The following DOCK9 variants were observed in gnomAD, a reference collection of about 807,000 sequenced individuals.
DOCK9 encodes dedicator of cytokinesis 9, also known as dedicator of cytokinesis protein 9.
In DOCK9, 89 loss-of-function variants were observed where a neutral mutation model predicts 263.3. The ratio of observed to expected loss-of-function variants is 0.34; its 90% CI spans 0.28 to 0.40. The LOEUF (loss-of-function observed/expected upper bound fraction) is 0.40, where lower values mean the gene tolerates loss of function less well. Ranked by LOEUF, DOCK9 falls within the 10% of genes least tolerant of loss-of-function variation. DOCK9 has a pLI of 1.00. For synonymous variants in DOCK9, 976 were observed against 973.1 expected (o/e 1.00, Z -0.06); for missense variants, 2,140 against 2,603.4 (o/e 0.82, Z 3.87).
At chr13:98,821,081 A>G (rs549775734) in intron 45 of DOCK9, among the ~76,000 whole-genome samples, 1 of 152,378 alleles carries the variant, frequency 6.6e-6, no homozygotes, top group South Asian at 2.1e-4. Context: ...AAGAAATTTC[A>G]GCAGATAGGT....
At chr13:99,013,996 G>C (rs1246133560) in intron 1 of DOCK9, among the ~76,000 whole-genome samples, 4 of 152,250 alleles carry the variant, frequency 2.6e-5, no homozygotes, top group Non-Finnish European at 4.4e-5. Flanking sequence ...GTGCAGGCAA[G>C]AGTGGTGGGC....
At position 98,796,729 on chromosome 13, in the gene DOCK9, C is replaced by T. The variant is rs115320299; in HGVS notation, c.6156+386G>A. 9.2e-3 allele frequency among the ~76,000 whole-genome samples: 1,407 copies of T among 152,288 alleles called. 14 individuals carry two copies. Among genetic ancestry groups the T allele is most frequent in the African/African-American group, 0.031 (1,308 of 41,552 alleles). On this transcript the variant is annotated intron_variant, in intron 52 of 52. Coordinates refer to ENST00000682017, the MANE Select transcript of DOCK9 (RefSeq NM_001366683.2). The stretch of plus-strand genomic sequence containing the variant: ...TGAATGCAACAGATAATTCCTTAAA[C>T]CAGGTTGGCAAGTCCTGCTTTTTTC...
intron 9 of DOCK9, among the ~76,000 whole-genome samples, chr13:98,911,097 T>G (rs754767516): frequency 4.6e-5 from 7 of 152,194 alleles, no homozygotes; most frequent in Admixed American, 2.0e-4. Context: ...GACACCAAGC[T>G]GGGCTTTAAA....
chr13:98,841,209 C>T (rs1392596653), intron 38 of DOCK9, among the ~76,000 whole-genome samples: 11 of 152,158 alleles, frequency 7.2e-5, no homozygotes, highest in African/African-American at 1.4e-4. Context: ...TGTGGAGACA[C>T]GGGCTGTAAT....
intron 2 of DOCK9, among the ~76,000 whole-genome samples, chr13:98,941,827 A>G (rs1256704372): frequency 3.3e-5 from 5 of 152,224 alleles, no homozygotes; most frequent in African/African-American, 1.2e-4. Context: ...AGAGGCTGTA[A>G]TAAGCTCCCT....
intron 2 of DOCK9, among the ~76,000 whole-genome samples, chr13:98,940,223 C>A (rs944075926): frequency 1.3e-5 from 2 of 152,138 alleles, no homozygotes; most frequent in African/African-American, 4.8e-5. Flanking sequence ...CAGACAAATT[C>A]CATTTTCAGG....
chr13:99,031,189 T>C (rs1367153327), intron 1 of DOCK9, among the ~76,000 whole-genome samples: 15 of 152,372 alleles, frequency 9.8e-5, no homozygotes, highest in African/African-American at 3.6e-4. Flanking sequence ...AAAATTATTT[T>C]CTGCAATAGA....
At chr13:98,866,143 A>C (rs1325149665) in intron 30 of DOCK9, among the ~76,000 whole-genome samples, 1 of 152,068 alleles carries the variant, frequency 6.6e-6, no homozygotes, top group Non-Finnish European at 1.5e-5. Context: ...ACCCCTTTTC[A>C]TATCCCCTTT....
intron 13 of DOCK9, among the ~76,000 whole-genome samples, chr13:98,901,225 C>T (rs1022501966): frequency 5.9e-5 from 9 of 152,154 alleles, no homozygotes; most frequent in African/African-American, 2.2e-4. Context: ...TATGTCCATG[C>T]CTAGGCACTT....
chr13:98,993,005 T>C (rs575428788), intron 1 of DOCK9, among the ~76,000 whole-genome samples: 1 of 152,234 alleles, frequency 6.6e-6, no homozygotes, highest in African/African-American at 2.4e-5. Flanking sequence ...AGACTTTAGA[T>C]GAAGCAGCAC....
intron 39 of DOCK9, among the ~76,000 whole-genome samples, chr13:98,835,680 A>T (rs2092964181): frequency 6.8e-6 from 1 of 146,502 alleles, no homozygotes; most frequent in Non-Finnish European, 1.5e-5. Context: ...CTGAGACTGG[A>T]GGCCAGATAT....
At chr13:98,971,264 G>A (rs922396480) in intron 1 of DOCK9, among the ~76,000 whole-genome samples, 1 of 152,196 alleles carries the variant, frequency 6.6e-6, no homozygotes, top group African/African-American at 2.4e-5. Context: ...TTGTTCTGCA[G>A]CCTCGTGTTT....
In DOCK9 at chr13:98,944,861, A is replaced by G. The variant is rs1210346428; in HGVS notation, c.243+10574T>C. Among the ~76,000 whole-genome samples, 25 of 152,168 alleles carry G rather than the reference A, an allele frequency of 1.6e-4. 1 individual carries two copies. The highest frequency in any genetic ancestry group is 1.6e-3 in the Admixed American group (25 of 15,280). ...ATACAAAGTTAATTATGCTTCCCCA[A>G]TATGTTTCTGTGGTTGCTGATTTGG... On this transcript the variant is annotated intron_variant, in intron 2 of 52. Coordinates refer to ENST00000682017, the MANE Select transcript of DOCK9 (RefSeq NM_001366683.2).
intron 49 of DOCK9, among the ~76,000 whole-genome samples, chr13:98,802,811 T>C (rs1594133392): frequency 6.6e-6 from 1 of 152,248 alleles, no homozygotes. Flanking sequence ...AGCAATGCAA[T>C]GGAAGAAGAA....
At chr13:98,920,889 C>A in intron 7 of DOCK9, 65 bp downstream of exon 7, 1 of 1,455,708 alleles carries the variant, frequency 6.9e-7, no homozygotes. Flanking sequence ...CTTAAATCTG[C>A]TAATTTACAC....
At chr13:98,796,301 C>T in intron 52 of DOCK9, 6 of 1,093,582 alleles carry the variant, frequency 5.5e-6, no homozygotes, top group Non-Finnish European at 8.2e-6. Flanking sequence ...AATGTACTAA[C>T]TAAACTGTCA....
At chr13:98,987,113 C>T (rs939326265) in intron 1 of DOCK9, among the ~76,000 whole-genome samples, 1 of 151,800 alleles carries the variant, frequency 6.6e-6, no homozygotes, top group Non-Finnish European at 1.5e-5. Flanking sequence ...GTTTCTGTTA[C>T]ATTTCCAAAT....
intron 9 of DOCK9, among the ~76,000 whole-genome samples, chr13:98,912,632 A>G (rs2050241070): frequency 6.6e-6 from 1 of 152,084 alleles, no homozygotes. Flanking sequence ...TATATCTTAA[A>G]AAATCTCCCT....
chr13:98,853,384 A>T (rs748172641), intron 35 of DOCK9, 24 bp downstream of exon 35: 1 of 1,513,270 alleles, frequency 6.6e-7, no homozygotes, highest in East Asian at 2.3e-5. Flanking sequence ...CGAGCAAAAC[A>T]GAAATCTCCA....
Sources: allele counts gnomAD v4.1 joint callset (sites outside exome capture counted in the v4.1 genomes callset), GRCh38; gene constraint gnomAD v4.1.1; transcripts MANE v1.5; gene names NCBI Gene and HGNC (gene_info 2026-07-23, HGNC 2026-07-21).